Variants in WASHC5 observed in about 807,000 individuals in gnomAD.
The protein encoded by WASHC5 is WASH complex subunit strumpellin.
Under a neutral mutation model 150.4 loss-of-function variants are expected in WASHC5, and 101 were observed. The ratio of observed to expected loss-of-function variants is 0.67; its 90% CI spans 0.57 to 0.79. The LOEUF (loss-of-function observed/expected upper bound fraction) is 0.79. Ranked by LOEUF, WASHC5 falls within the 30% of genes least tolerant of loss-of-function variation. The pLI, the probability that WASHC5 is intolerant of heterozygous loss-of-function variation, is 0.00. For synonymous variants in WASHC5, 467 were observed against 491.2 expected (o/e 0.95, Z 0.65); for missense variants, 1,195 against 1,396.3 (o/e 0.86, Z 2.30).
intron 1 of WASHC5, among the ~76,000 whole-genome samples, chr8:125,087,697 C>T (rs887059199): frequency 6.8e-6 from 1 of 146,624 alleles, no homozygotes; most frequent in Non-Finnish European, 1.5e-5. Context: ...CGTGCCACTG[C>T]ACTCTTGCCT....
chr8:125,037,440 G>A (rs889802136), intron 25 of WASHC5, 107 bp from the exon 26 acceptor site: 15 of 768,602 alleles, frequency 2.0e-5, no homozygotes, highest in Non-Finnish European at 3.4e-5. Context: ...TTGCTCTTTG[G>A]CTTTCCTGAA....
chr8:125,024,887 A>G lies in WASHC5; in HGVS notation c.3424-214T>C, dbSNP rs1815331715. Among the ~76,000 whole-genome samples, 4 of 151,970 alleles carry G rather than the reference A, an allele frequency of 2.6e-5. No homozygotes were observed. In the South Asian group the frequency reaches 8.3e-4, roughly 32 times the overall value. On this transcript the variant is annotated intron_variant, in intron 28 of 28. Transcript: ENST00000318410. ...GCACTGCTAACATTTGAGGGGATGC[A>G]GTACAGCTCTCCCGCCTCCAAATCT...
rs142907217 is a variant in WASHC5 at position 125,083,129 on chromosome 8, T to C, written c.316A>G (p.Ile106Val). The change falls in exon 3 of 29, where the codon ATT becomes GTT. Residue 106 changes from isoleucine (I) to valine (V), a missense_variant. By Grantham distance (29) the Ile-to-Val change is conservative. Transcript: ENST00000318410. ...GATCAATACCTGTTTAAGTCTACAA[T>C]ATATTTATGTACACTTTGAAATGCT... ...YLAFQSVHKY[I>V]VDLNRYLDDL... 4.9e-4 allele frequency: 755 copies of C among 1,542,328 alleles called. 2 individuals carry two copies. Among genetic ancestry groups the C allele is most frequent in the Admixed American group, 4.9e-4 (29 of 59,756 alleles).
intron 9 of WASHC5, among the ~76,000 whole-genome samples, chr8:125,068,829 C>A (rs746158642): frequency 6.6e-6 from 1 of 152,254 alleles, no homozygotes; most frequent in Non-Finnish European, 1.5e-5. Flanking sequence ...GGTAAAAATA[C>A]TGGATGTCCT....
chr8:125,035,545 T>C (rs143579979), intron 26 of WASHC5, among the ~76,000 whole-genome samples: 154 of 152,282 alleles, frequency 1.0e-3, no homozygotes, highest in African/African-American at 3.5e-3. Context: ...GACCAATATA[T>C]AGAAAGGGAC....
intron 9 of WASHC5, among the ~76,000 whole-genome samples, chr8:125,071,381 AC>A (rs1280838215): frequency 6.6e-5 from 10 of 152,216 alleles, no homozygotes; most frequent in Admixed American, 6.5e-4. Flanking sequence ...AACTGTGTGA[AC>A]AGAAGGTCTC....
intron 17 of WASHC5, among the ~76,000 whole-genome samples, chr8:125,051,323 A>G (rs1816231525): frequency 6.6e-6 from 1 of 152,364 alleles, no homozygotes. Flanking sequence ...TGATTTTTAC[A>G]TACTCCCTTG....
At chr8:125,051,913 T>C (rs762686088) in intron 17 of WASHC5, among the ~76,000 whole-genome samples, 1 of 152,022 alleles carries the variant, frequency 6.6e-6, no homozygotes, top group African/African-American at 2.4e-5. Flanking sequence ...CATAACATAG[T>C]TTTTCAAATG....
At chr8:125,085,375 A>C (rs1817389980) in intron 1 of WASHC5, among the ~76,000 whole-genome samples, 1 of 152,184 alleles carries the variant, frequency 6.6e-6, no homozygotes, top group Non-Finnish European at 1.5e-5. Context: ...ACACTTAAAA[A>C]CTTTTCCATG....
At chr8:125,083,054 G>T in intron 3 of WASHC5, 59 bp downstream of exon 3, 4 of 1,125,890 alleles carry the variant, frequency 3.6e-6, no homozygotes, top group African/African-American at 1.5e-5. Context: ...GTTGCTATGT[G>T]TCCTTTTCCC....
chr8:125,062,477 C>T (rs1309576539), intron 11 of WASHC5, among the ~76,000 whole-genome samples: 1 of 152,182 alleles, frequency 6.6e-6, no homozygotes, highest in African/African-American at 2.4e-5. Flanking sequence ...CAGATTGTTA[C>T]ACGTGATTGT....
At chr8:125,073,382 C>CACA in intron 8 of WASHC5, 58 bp from the exon 9 acceptor site, 1 of 1,404,298 alleles carries the variant, frequency 7.1e-7, no homozygotes, top group Non-Finnish European at 1.0e-6. Context: ...GAAAATAAAT[C>CACA]ACATTCAAAT....
intron 26 of WASHC5, among the ~76,000 whole-genome samples, chr8:125,035,875 T>C (rs917146199): frequency 7.9e-5 from 12 of 152,272 alleles, no homozygotes; most frequent in African/African-American, 2.4e-4. Flanking sequence ...AATGATTACA[T>C]TTGTAGAAAT....
chr8:125,081,529 G>A, intron 5 of WASHC5, 132 bp downstream of exon 5: 2 of 712,156 alleles, frequency 2.8e-6, no homozygotes, highest in Non-Finnish European at 5.1e-6. Flanking sequence ...GTTAGCCACT[G>A]TGCCCGGCTG....
chr8:125,089,017 T>C (rs976686930), intron 1 of WASHC5, among the ~76,000 whole-genome samples: 1 of 152,228 alleles, frequency 6.6e-6, no homozygotes, highest in Non-Finnish European at 1.5e-5. Context: ...TACAGCTGTC[T>C]AGAACTCCCA....
chr8:125,057,056 T>C (rs1477980283), intron 15 of WASHC5, among the ~76,000 whole-genome samples: 1 of 152,154 alleles, frequency 6.6e-6, no homozygotes, highest in East Asian at 1.9e-4. Context: ...TTTTACAGAT[T>C]TTAAAAAGAT....
chr8:125,063,580 C>A lies in WASHC5; in HGVS notation c.1350G>T (p.Met450Ile). The A allele has an allele frequency of 6.2e-7, 1 of 1,613,976 alleles. No individual in the cohort carries two copies. Among genetic ancestry groups the A allele is most frequent in the South Asian group, 1.1e-5 (1 of 91,044 alleles). ...CTGAAAAGACATCAGCAAGCTCAGTCATCCGCTCCGAACCCTCTTTCTTGT... is the reference window on the plus strand; with the variant it reads ...CTGAAAAGACATCAGCAAGCTCAGTAATCCGCTCCGAACCCTCTTTCTTGT... ...EHYKKEGSERMTELADVFSGV... is the reference protein window; with the variant it reads ...EHYKKEGSERITELADVFSGV... The change falls in exon 11 of 29, where the codon ATG (methionine) becomes ATT (isoleucine). Residue 450 changes from methionine to isoleucine, a missense_variant. Physicochemically the swap from Met to Ile is conservative, Grantham distance 10. Coordinates refer to ENST00000318410, the MANE Select transcript of WASHC5 (RefSeq NM_014846.4).
chr8:125,028,795 A>G, intron 27 of WASHC5, 88 bp from the exon 28 acceptor site: 2 of 857,908 alleles, frequency 2.3e-6, no homozygotes, highest in Non-Finnish European at 2.0e-6. Context: ...AATTACCAAC[A>G]GATTACCTAA....
chr8:125,039,653 T>C, intron 24 of WASHC5, 142 bp downstream of exon 24: 1 of 687,102 alleles, frequency 1.5e-6, no homozygotes, highest in Non-Finnish European at 2.6e-6. Context: ...AAGACAGATT[T>C]GATTATCCGT....
Sources: gnomAD v4.1 joint callset for allele counts (sites outside exome capture counted in the v4.1 genomes callset) on GRCh38, gnomAD v4.1.1 for gene constraint, MANE v1.5 for transcripts, NCBI Gene and HGNC (gene_info 2026-07-23, HGNC 2026-07-21) for gene names.